OSBPL6: variants seen among roughly 807,000 people sequenced by gnomAD.
The protein encoded by OSBPL6 is oxysterol binding protein like 6.
In OSBPL6, 49 loss-of-function variants were observed where a neutral mutation model predicts 125.8. That is an observed-to-expected ratio of 0.39 (90% confidence interval 0.31 to 0.49). The LOEUF (loss-of-function observed/expected upper bound fraction) is 0.49. Among genes scored for constraint, OSBPL6 ranks in the 20% least tolerant of loss-of-function variants. The probability of loss-of-function intolerance (pLI) is 0.88; values close to 1 mark genes in which losing one functional copy is unlikely to be tolerated. For missense variants in OSBPL6, 986 were observed against 1,135.4 expected (o/e 0.87, Z 1.89); for synonymous variants, 394 against 391.8 (o/e 1.01, Z -0.07).
intron 5 of OSBPL6, among the ~76,000 whole-genome samples, chr2:178,330,663 G>A (rs1276540930): frequency 6.6e-6 from 1 of 152,198 alleles, no homozygotes; most frequent in Admixed American, 6.5e-5. Context: ...CTGACTGCCT[G>A]CCATCTTAGC....
chr2:178,370,482 A>T (rs1693273679), intron 13 of OSBPL6, among the ~76,000 whole-genome samples: 2 of 152,162 alleles, frequency 1.3e-5, no homozygotes, highest in African/African-American at 4.8e-5. Flanking sequence ...TGGTACTCAC[A>T]ATAGATAAGA....
chr2:178,313,197 A>G (rs1303515210), intron 3 of OSBPL6, among the ~76,000 whole-genome samples: 2 of 152,214 alleles, frequency 1.3e-5, no homozygotes. Flanking sequence ...CGCCTGGCCT[A>G]TGCTTACATA....
chr2:178,294,716 A>ATT (rs34851252), intron 2 of OSBPL6, among the ~76,000 whole-genome samples: 6,516 of 142,072 alleles, frequency 0.046, 295 homozygotes, highest in African/African-American at 0.12. Flanking sequence ...CACCACAGCT[A>ATT]TTTTTTTTTT....
intron 1 of OSBPL6, among the ~76,000 whole-genome samples, chr2:178,256,315 C>A (rs1348107325): frequency 6.6e-6 from 1 of 152,158 alleles, no homozygotes; most frequent in Non-Finnish European, 1.5e-5. Flanking sequence ...ATTTTGCTAA[C>A]AGGGTGATAT....
intron 11 of OSBPL6, among the ~76,000 whole-genome samples, chr2:178,348,404 G>A (rs1383190625): frequency 6.6e-6 from 1 of 152,156 alleles, no homozygotes; most frequent in Non-Finnish European, 1.5e-5. Flanking sequence ...GGAATGTTTG[G>A]CTGACATTTG....
intron 1 of OSBPL6, among the ~76,000 whole-genome samples, chr2:178,207,183 A>G (rs2089583345): frequency 6.6e-6 from 1 of 152,208 alleles, no homozygotes; most frequent in Non-Finnish European, 1.5e-5. Flanking sequence ...CTACTGTAAT[A>G]AATTACCACA....
chr2:178,392,634 T>A, intron 23 of OSBPL6, 96 bp downstream of exon 23: 1 of 1,450,674 alleles, frequency 6.9e-7, no homozygotes. Flanking sequence ...GGAGGGAAGA[T>A]CACTTGAGGT....
chr2:178,332,282 A>G (rs1197860270), intron 6 of OSBPL6, among the ~76,000 whole-genome samples: 1 of 152,184 alleles, frequency 6.6e-6, no homozygotes, highest in East Asian at 1.9e-4. Context: ...TTACTCAGGG[A>G]TGTTCTGGGT....
intron 9 of OSBPL6, among the ~76,000 whole-genome samples, chr2:178,336,912 G>C (rs893310836): frequency 6.6e-6 from 1 of 152,044 alleles, no homozygotes; most frequent in Non-Finnish European, 1.5e-5. Flanking sequence ...CTGACAACTC[G>C]GCAATAAATG....
At chr2:178,254,914 T>C (rs1487079183) in intron 1 of OSBPL6, among the ~76,000 whole-genome samples, 1 of 152,186 alleles carries the variant, frequency 6.6e-6, no homozygotes, top group Admixed American at 6.5e-5. Context: ...GAAAGAGGTT[T>C]AATGGACTCA....
intron 11 of OSBPL6, among the ~76,000 whole-genome samples, chr2:178,347,414 T>C (rs918366246): frequency 3.9e-5 from 6 of 152,044 alleles, no homozygotes; most frequent in African/African-American, 9.7e-5. Flanking sequence ...CTCCCAGATC[T>C]ACCTATTTTT....
intron 1 of OSBPL6, among the ~76,000 whole-genome samples, chr2:178,209,842 A>G (rs1371880112): frequency 1.3e-5 from 2 of 151,942 alleles, no homozygotes; most frequent in East Asian, 1.9e-4. Context: ...CCTGAAGGCT[A>G]CAGGTCTGGC....
At chr2:178,339,594 C>A in intron 10 of OSBPL6, 78 bp from the exon 11 acceptor site, 1 of 1,158,650 alleles carries the variant, frequency 8.6e-7, no homozygotes, top group Non-Finnish European at 1.2e-6. Context: ...TAGTAACTTG[C>A]TGTGCTCTTG....
At position 178,271,565 on chromosome 2, in the gene OSBPL6, A is replaced by G. The variant is rs574208814; in HGVS notation, c.-350-13362A>G. On this transcript the variant is annotated intron_variant, in intron 1 of 24. Coordinates refer to ENST00000190611, the MANE Select transcript of OSBPL6 (RefSeq NM_032523.4). ...ATGAAAAATGTTACAGATTATGCAA[A>G]CCTTAGACTTATTGAGGCTCTATTT... Among the ~76,000 whole-genome samples, 19 of 152,300 alleles carry G rather than the reference A, an allele frequency of 1.2e-4. 1 individual carries two copies. In the South Asian group the frequency reaches 3.9e-3, roughly 32 times the overall value.
intron 13 of OSBPL6, among the ~76,000 whole-genome samples, chr2:178,362,792 G>A (rs1215565242): frequency 1.3e-5 from 2 of 152,118 alleles, no homozygotes; most frequent in South Asian, 2.1e-4. Flanking sequence ...CACACTTTCT[G>A]CATTATCCAT....
intron 3 of OSBPL6, among the ~76,000 whole-genome samples, chr2:178,310,251 T>G (rs1391317180): frequency 6.6e-6 from 1 of 152,110 alleles, no homozygotes; most frequent in Admixed American, 6.5e-5. Flanking sequence ...CAATACTTAT[T>G]TATGTTGACT....
intron 2 of OSBPL6, among the ~76,000 whole-genome samples, chr2:178,287,004 A>G (rs1684756160): frequency 6.6e-6 from 1 of 152,162 alleles, no homozygotes; most frequent in Admixed American, 6.5e-5. Flanking sequence ...TATTGAACCA[A>G]ATGTTTATAT....
chr2:178,196,413 G>A (rs1458814427), intron 1 of OSBPL6, among the ~76,000 whole-genome samples: 1 of 152,156 alleles, frequency 6.6e-6, no homozygotes, highest in South Asian at 2.1e-4. Context: ...TGGATGCAAT[G>A]TTGATAACGC....
At chr2:178,347,623 T>A (rs929693282) in intron 11 of OSBPL6, among the ~76,000 whole-genome samples, 3 of 152,192 alleles carry the variant, frequency 2.0e-5, no homozygotes, top group Admixed American at 6.5e-5. Context: ...TCAGTCCTTG[T>A]TATTATTAAG....
Sources: gnomAD v4.1 joint callset for allele counts (sites outside exome capture counted in the v4.1 genomes callset) on GRCh38, gnomAD v4.1.1 for gene constraint, MANE v1.5 for transcripts, NCBI Gene and HGNC (gene_info 2026-07-23, HGNC 2026-07-21) for gene names.